XKR9: variants seen among roughly 807,000 people sequenced by gnomAD.
XKR9 encodes XK related 9.
XKR9 carries 32 observed loss-of-function variants against 32.0 expected under a neutral mutation model. That is an observed-to-expected ratio of 1.00 (90% confidence interval 0.76 to 1.34). The LOEUF (loss-of-function observed/expected upper bound fraction) is 1.34. Ranked by LOEUF, XKR9 falls within the 40% of genes most tolerant of loss-of-function variation. The pLI, the probability that XKR9 is intolerant of heterozygous loss-of-function variation, is 0.00. For synonymous variants in XKR9, 168 were observed against 143.4 expected, an observed-to-expected ratio of 1.17 and a Z score of -1.22; for missense variants, 546 against 429.7, an observed-to-expected ratio of 1.27 and a Z score of -2.39.
the XKR9 span, among the ~76,000 whole-genome samples, chr8:70,843,689 C>T: frequency 6.6e-6 from 1 of 152,118 alleles, no homozygotes; most frequent in African/African-American, 2.4e-5. Context: ...GAGTGGTTCA[C>T]ATTTCCACTG....
At chr8:70,824,409 A>G in the XKR9 span, among the ~76,000 whole-genome samples, 1 of 151,862 alleles carries the variant, frequency 6.6e-6, no homozygotes, top group Non-Finnish European at 1.5e-5. Context: ...TTCATGATTG[A>G]CCCTTCTTAT....
chr8:70,912,665 C>T, the XKR9 span, among the ~76,000 whole-genome samples: 4 of 151,800 alleles, frequency 2.6e-5, no homozygotes, highest in Admixed American at 2.0e-4. Flanking sequence ...GAGCTCAGAC[C>T]GCAGAAATTA....
the XKR9 span, among the ~76,000 whole-genome samples, chr8:70,877,188 C>G: frequency 2.6e-5 from 4 of 152,104 alleles, no homozygotes; most frequent in Admixed American, 1.3e-4. Flanking sequence ...CTCATGAGAA[C>G]TCATTCACTA....
chr8:70,781,274 C>T (rs1010347553), intron 2 of XKR9, among the ~76,000 whole-genome samples: 1 of 151,914 alleles, frequency 6.6e-6, no homozygotes, highest in Admixed American at 6.6e-5. Context: ...GGTTATTTGT[C>T]TCTTTATTGA....
the XKR9 span, among the ~76,000 whole-genome samples, chr8:70,867,966 C>T: frequency 1.8e-4 from 27 of 152,330 alleles, no homozygotes; most frequent in African/African-American, 6.5e-4. Context: ...AAGCCCCATG[C>T]AAGTCCAAAA....
At position 70,734,626 on chromosome 8, in the gene XKR9, T is replaced by TGCC; in HGVS notation, c.*202_*203insGCC. 3 of 553,142 alleles carry TGCC rather than the reference T, an allele frequency of 5.4e-6. No homozygotes were observed. Among genetic ancestry groups the TGCC allele is most frequent in the Non-Finnish European group, 7.7e-6 (3 of 388,228 alleles). 34.3% of individuals were successfully genotyped at this position (553,142 alleles called of 1,614,324 possible). On this transcript the variant is annotated 3_prime_UTR_variant, in exon 5 of 5. Coordinates refer to ENST00000408926, the MANE Select transcript of XKR9 (RefSeq NM_001011720.2). ...TGAAGATCTTGAGTACTCAGATATC[T>TGCC]TTCTACTGCCTGGTAGAGCTGCCAT...
At chr8:70,981,803 G>C in the XKR9 span, among the ~76,000 whole-genome samples, 1 of 152,186 alleles carries the variant, frequency 6.6e-6, no homozygotes, top group Non-Finnish European at 1.5e-5. Flanking sequence ...TTCAAGGGCT[G>C]CAGTTCAGAT....
Position 70,734,359 on chromosome 8 carries a change from T to C in XKR9, c.1057T>C (p.Cys353Arg). The C allele has an allele frequency of 6.2e-7, 1 of 1,610,718 alleles. No homozygotes were observed. The highest frequency in any genetic ancestry group is 1.3e-5 in the African/African-American group (1 of 74,880). ...FHPNRSAETK[C>R]DEIDGKPVLR... ...CCCAAACAGAAGTGCAGAAACAAAA[T>C]GTGATGAAATTGATGGAAAACCAGT... Residue 353 changes from cysteine (C) to arginine (R), a missense_variant, in exon 5 of 5, where the codon TGT (cysteine) becomes CGT (arginine). By Grantham distance (180) the Cys-to-Arg change is radical. Coordinates refer to ENST00000408926, the MANE Select transcript of XKR9 (RefSeq NM_001011720.2).
the XKR9 span, among the ~76,000 whole-genome samples, chr8:70,902,900 A>T: frequency 6.6e-6 from 1 of 152,106 alleles, no homozygotes; most frequent in Non-Finnish European, 1.5e-5. Context: ...TGAGATAATC[A>T]TGTGGTTTCT....
chr8:70,960,242 T>TC, the XKR9 span, among the ~76,000 whole-genome samples: 39 of 125,606 alleles, frequency 3.1e-4, no homozygotes, highest in Middle Eastern at 4.5e-3. Flanking sequence ...CAAAACTCCG[T>TC]CCCCCCCAAA....
the XKR9 span, among the ~76,000 whole-genome samples, chr8:70,860,126 A>T: frequency 2.0e-5 from 3 of 152,170 alleles, no homozygotes; most frequent in Non-Finnish European, 4.4e-5. Context: ...ATTATATATC[A>T]ATAACAAAAT....
chr8:70,979,425 T>C, the XKR9 span, among the ~76,000 whole-genome samples: 426 of 152,334 alleles, frequency 2.8e-3, 5 homozygotes, highest in African/African-American at 9.7e-3. Flanking sequence ...AGTTTTGGTG[T>C]GGATGTCCTT....
At chr8:70,854,739 A>T in the XKR9 span, among the ~76,000 whole-genome samples, 2 of 152,166 alleles carry the variant, frequency 1.3e-5, no homozygotes, top group Non-Finnish European at 2.9e-5. Flanking sequence ...CTTTCTACAT[A>T]TGGCAAGCCA....
the XKR9 span, among the ~76,000 whole-genome samples, chr8:70,957,783 CT>C: frequency 0.031 from 2,626 of 84,702 alleles, 7 homozygotes; most frequent in East Asian, 0.069. Context: ...TTCAGTCTAT[CT>C]TTTTTTTTTT....
the XKR9 span, among the ~76,000 whole-genome samples, chr8:70,960,749 G>T: frequency 2.3e-4 from 35 of 152,046 alleles, no homozygotes; most frequent in African/African-American, 8.2e-4. Context: ...GCAAGTGCCT[G>T]TAGTCCCATC....
At chr8:70,897,511 G>A in the XKR9 span, among the ~76,000 whole-genome samples, 2 of 152,076 alleles carry the variant, frequency 1.3e-5, no homozygotes, top group South Asian at 4.1e-4. Context: ...AGGGTACAAG[G>A]GTTCCTTTCC....
At chr8:70,727,518 A>T (rs960908645) in intron 4 of XKR9, among the ~76,000 whole-genome samples, 3 of 151,978 alleles carry the variant, frequency 2.0e-5, no homozygotes, top group Non-Finnish European at 4.4e-5. Flanking sequence ...CTTCTTCCTC[A>T]GCCTCCTGAG....
chr8:71,052,975 T>C, the XKR9 span, among the ~76,000 whole-genome samples: 1 of 152,158 alleles, frequency 6.6e-6, no homozygotes, highest in Non-Finnish European at 1.5e-5. Flanking sequence ...TCACAATTAG[T>C]CCAATGGTAC....
the XKR9 span, among the ~76,000 whole-genome samples, chr8:71,011,397 T>G: frequency 6.6e-6 from 1 of 152,178 alleles, no homozygotes; most frequent in East Asian, 1.9e-4. Context: ...TCAAATTTTA[T>G]TATTGGTACA....
Sources: gnomAD v4.1 joint callset for allele counts (sites outside exome capture counted in the v4.1 genomes callset) on GRCh38, gnomAD v4.1.1 for gene constraint, MANE v1.5 for transcripts, NCBI Gene and HGNC (gene_info 2026-07-23, HGNC 2026-07-21) for gene names.